The following CLTCL1 variants were observed in gnomAD, a reference collection of about 807,000 sequenced individuals.
CLTCL1 encodes the protein clathrin heavy chain like 1.
Under a neutral mutation model 190.0 loss-of-function variants are expected in CLTCL1, and 159 were observed. That is an observed-to-expected ratio of 0.84 (90% CI 0.74 to 0.95). CLTCL1 has a LOEUF of 0.95. CLTCL1 is among the 40% of genes least tolerant of loss of function. CLTCL1 has a pLI of 0.00. For missense variants in CLTCL1, 1,878 were observed against 2,033.4 expected, an observed-to-expected ratio of 0.92 and a Z score of 1.47; for synonymous variants, 752 against 769.6, an observed-to-expected ratio of 0.98 and a Z score of 0.38.
intron 13 of CLTCL1, among the ~76,000 whole-genome samples, chr22:19,224,849 A>C (rs2085689376): frequency 6.6e-6 from 1 of 152,224 alleles, no homozygotes; most frequent in African/African-American, 2.4e-5. Context: ...GACACATGGC[A>C]GTGGCTTGAT....
At chr22:19,184,629 T>C (rs924843513) in intron 29 of CLTCL1, 5 of 451,436 alleles carry the variant, frequency 1.1e-5, no homozygotes, top group Non-Finnish European at 2.2e-5. Flanking sequence ...CTCATCTGTC[T>C]CCCTGCCGTG....
intron 11 of CLTCL1, among the ~76,000 whole-genome samples, chr22:19,227,743 G>A (rs990879323): frequency 1.5e-4 from 23 of 152,142 alleles, no homozygotes; most frequent in African/African-American, 5.5e-4. Flanking sequence ...GTGAGCCACC[G>A]CACCTGGCCC....
At chr22:19,234,741 T>C (rs1347706361) in intron 6 of CLTCL1, 35 bp from the exon 7 acceptor site, 22 of 1,558,460 alleles carry the variant, frequency 1.4e-5, no homozygotes, top group Non-Finnish European at 1.8e-5. Context: ...CAGCCCGGCC[T>C]AGAAGAGTGC....
intron 2 of CLTCL1, chr22:19,257,881 G>A: frequency 7.2e-7 from 1 of 1,393,462 alleles, no homozygotes; most frequent in Non-Finnish European, 9.5e-7. Flanking sequence ...GAGAAGAAGA[G>A]ACCCCAGGTC....
intron 29 of CLTCL1, 115 bp from the exon 30 acceptor site, chr22:19,183,726 T>A: frequency 9.9e-7 from 1 of 1,014,386 alleles, no homozygotes; most frequent in Non-Finnish European, 1.5e-6. Flanking sequence ...CTTCCTGCGC[T>A]GTGGAGCAAG....
chr22:19,242,805 G>A lies in CLTCL1; in HGVS notation c.651C>T (p.Cys217=), dbSNP rs557948649. The A allele has an allele frequency of 2.5e-5, 40 of 1,613,974 alleles. No individual in the cohort carries two copies. The African/African-American group carries it at 4.0e-4, about 16-fold the overall frequency. The change falls in exon 4 of 33, where the codon TGC becomes TGT. Residue 217 remains cysteine (C), a synonymous_variant. Coordinates refer to ENST00000427926, the MANE Select transcript of CLTCL1 (RefSeq NM_007098.4). ...EGNAKPATLF[C]FAVRNPTGGK... ...CTCCTGTGGGATTACGTACAGCAAA[G>A]CAGAAAAGGGTGGCAGGCTTGGCAT...
At chr22:19,253,816 T>C in intron 3 of CLTCL1, 143 bp downstream of exon 3, 2 of 958,150 alleles carry the variant, frequency 2.1e-6, no homozygotes, top group Non-Finnish European at 3.0e-6. Context: ...TCCTCCCGCC[T>C]CGGCCTCCCA....
At chr22:19,245,172 C>A (rs2086377656) in intron 3 of CLTCL1, among the ~76,000 whole-genome samples, 1 of 151,350 alleles carries the variant, frequency 6.6e-6, no homozygotes, top group African/African-American at 2.4e-5. Flanking sequence ...GCCCCATGTT[C>A]CCCTCTCCCC....
At chr22:19,267,107 C>T (rs1002104118) in intron 2 of CLTCL1, among the ~76,000 whole-genome samples, 2 of 151,800 alleles carry the variant, frequency 1.3e-5, no homozygotes, top group Admixed American at 6.6e-5. Context: ...CTAAAAACTA[C>T]AAGAATAAGT....
chr22:19,232,594 C>G lies in CLTCL1; in HGVS notation c.1526G>C (p.Gly509Ala), dbSNP rs782473548. The change falls in exon 10 of 33, where the codon GGG becomes GCG. Residue 509 changes from glycine (G) to alanine (A), a missense_variant. Gly to Ala is a moderately conservative substitution (Grantham distance 60). Coordinates refer to ENST00000427926, the MANE Select transcript of CLTCL1 (RefSeq NM_007098.4). ...QKIVLYAKKV[G>A]YTPDWIFLLR... ...CAGAAAGATCCAGTCTGGGGTGTAC[C>G]CAACCTAGAAGCAAGGGAGCACCAA... The G allele has an allele frequency of 6.2e-7, 1 of 1,611,860 alleles. No individual in the cohort carries two copies. Among genetic ancestry groups the G allele is most frequent in the Non-Finnish European group, 8.5e-7 (1 of 1,178,952 alleles).
intron 10 of CLTCL1, among the ~76,000 whole-genome samples, chr22:19,231,134 AC>A (rs1232364429): frequency 1.3e-5 from 2 of 152,200 alleles, no homozygotes; most frequent in African/African-American, 4.8e-5. Context: ...AGATTGAGCC[AC>A]GCTACCAGAA....
rs2088136396 is a variant in CLTCL1 at position 19,291,700 on chromosome 22, C to A, written c.-59G>T. ...GCGGCAGGAATGAACGCCGACCCCTCGCGCGGGCTGACCGGTGGCGACGGC... is the reference window on the plus strand; with the variant it reads ...GCGGCAGGAATGAACGCCGACCCCTAGCGCGGGCTGACCGGTGGCGACGGC... On this transcript the variant is annotated 5_prime_UTR_variant, in exon 1 of 33. Transcript: ENST00000427926. 3.0e-6 allele frequency: 4 copies of A among 1,312,114 alleles called. No homozygotes were observed. Among genetic ancestry groups the A allele is most frequent in the Non-Finnish European group, 3.9e-6 (4 of 1,022,192 alleles). The allele number at this position is 1,312,114 out of a possible 1,614,324, so 81.3% of individuals were successfully genotyped here. A position where few individuals can be genotyped will look rare whatever the true frequency, so the allele number is the denominator to read the frequency against.
chr22:19,252,969 G>A (rs138666937), intron 3 of CLTCL1, among the ~76,000 whole-genome samples: 5 of 147,220 alleles, frequency 3.4e-5, no homozygotes, highest in African/African-American at 7.6e-5. Flanking sequence ...AGCCGAGATC[G>A]CGCCACTGCA....
chr22:19,210,533 C>A, intron 19 of CLTCL1, 24 bp from the exon 20 acceptor site: 1 of 1,599,158 alleles, frequency 6.3e-7, no homozygotes, highest in Non-Finnish European at 8.6e-7. Context: ...GTGGTCAGCA[C>A]GGCATCCCAG....
chr22:19,278,601 C>A (rs1555984743), intron 1 of CLTCL1, among the ~76,000 whole-genome samples: 2 of 152,154 alleles, frequency 1.3e-5, no homozygotes, highest in African/African-American at 4.8e-5. Flanking sequence ...CCAAAGAAAA[C>A]CTCCCAGTCT....
At chr22:19,282,904 T>C (rs1778301349) in intron 1 of CLTCL1, among the ~76,000 whole-genome samples, 1 of 150,836 alleles carries the variant, frequency 6.6e-6, no homozygotes, top group Non-Finnish European at 1.5e-5. Flanking sequence ...AGTCTTACTC[T>C]GTCACCCAGG....
At chr22:19,285,979 G>A (rs979094301) in intron 1 of CLTCL1, among the ~76,000 whole-genome samples, 4 of 152,268 alleles carry the variant, frequency 2.6e-5, no homozygotes, top group East Asian at 3.9e-4. Context: ...TGGTGGCTTC[G>A]TTTATAGTGG....
chr22:19,218,524 A>T (rs1377886992), intron 18 of CLTCL1, among the ~76,000 whole-genome samples: 1 of 152,256 alleles, frequency 6.6e-6, no homozygotes, highest in African/African-American at 2.4e-5. Flanking sequence ...ATAAAGGTCA[A>T]ATCCAGCCCT....
chr22:19,273,816 C>T (rs2087404763), intron 2 of CLTCL1, among the ~76,000 whole-genome samples: 1 of 152,102 alleles, frequency 6.6e-6, no homozygotes, highest in Non-Finnish European at 1.5e-5. Context: ...CAACCAAAGC[C>T]CAAATCCTAT....
Sources: allele counts gnomAD v4.1 joint callset (sites outside exome capture counted in the v4.1 genomes callset), GRCh38; gene constraint gnomAD v4.1.1; transcripts MANE v1.5; gene names NCBI Gene and HGNC (gene_info 2026-07-23, HGNC 2026-07-21).